SOD2: variants seen among roughly 807,000 people sequenced by gnomAD.
SOD2 encodes superoxide dismutase 2, also known as superoxide dismutase [Mn], mitochondrial.
SOD2 carries 11 observed loss-of-function variants against 27.0 expected under a neutral mutation model. The observed-to-expected ratio is 0.41, with a 90% confidence interval of 0.26 to 0.67. The LOEUF (loss-of-function observed/expected upper bound fraction) is 0.67, where lower values mean the gene tolerates loss of function less well. Ranked by LOEUF, SOD2 falls within the 30% of genes least tolerant of loss-of-function variation. SOD2 has a pLI of 0.34. For synonymous variants in SOD2, 105 were observed against 103.0 expected (o/e 1.02, Z -0.12); for missense variants, 250 against 274.5 (o/e 0.91, Z 0.63).
At chr6:159,757,570 G>C (rs1780042096) in intron 1 of SOD2, among the ~76,000 whole-genome samples, 2 of 151,936 alleles carry the variant, frequency 1.3e-5, no homozygotes, top group African/African-American at 2.4e-5. Flanking sequence ...GCGCCACCAT[G>C]CCCGGCTTAT....
At chr6:159,748,187 A>G (rs755448327), upstream of SOD2, 4 of 1,613,710 alleles carry the variant, frequency 2.5e-6, no homozygotes, top group East Asian at 6.7e-5. The surrounding 1 kb of genome is among the most constrained non-coding windows in gnomAD (Gnocchi z 5.6). Context: ...TTTGCTTTGC[A>G]CAGACTCAAA....
At chr6:159,712,223 A>G (rs539916680) in intron 1 of SOD2, among the ~76,000 whole-genome samples, 133 of 127,356 alleles carry the variant, frequency 1.0e-3, no homozygotes, top group Non-Finnish European at 1.9e-3. Flanking sequence ...CACCTCCATA[A>G]CCACCACTCA....
intron 1 of SOD2, among the ~76,000 whole-genome samples, chr6:159,754,144 A>G (rs1487586853): frequency 6.6e-6 from 1 of 152,194 alleles, no homozygotes; most frequent in African/African-American, 2.4e-5. Context: ...TGTAAGGTGC[A>G]TTATTAATAA....
intron 1 of SOD2, among the ~76,000 whole-genome samples, chr6:159,732,397 A>ATC (rs1778627494): frequency 1.3e-5 from 2 of 152,204 alleles, no homozygotes; most frequent in Non-Finnish European, 2.9e-5. Flanking sequence ...TCATTCACAG[A>ATC]TCTCTACCAC....
chr6:159,693,268 T>C, upstream of SOD2: 1 of 1,153,494 alleles, frequency 8.7e-7, no homozygotes, highest in Non-Finnish European at 1.2e-6. Flanking sequence ...CCGCGGGCCT[T>C]AAGAAAGCGC....
intron 1 of SOD2, among the ~76,000 whole-genome samples, chr6:159,735,082 A>G (rs1220627708): frequency 6.6e-6 from 1 of 152,228 alleles, no homozygotes; most frequent in Non-Finnish European, 1.5e-5. Flanking sequence ...AATATTTGGC[A>G]TAAAATTAAA....
chr6:159,708,337 T>C (rs892592964), intron 1 of SOD2, among the ~76,000 whole-genome samples: 6 of 152,236 alleles, frequency 3.9e-5, no homozygotes, highest in African/African-American at 1.4e-4. Context: ...TTGTCCCTGT[T>C]TGCAGATGAC....
chr6:159,685,219 C>CTTT (rs750824041), intron 3 of SOD2, among the ~76,000 whole-genome samples, 186 bp from the exon 4 acceptor site: 1,919 of 73,394 alleles, frequency 0.026, 48 homozygotes, highest in Non-Finnish European at 0.033. Context: ...ATAACTTCAA[C>CTTT]TTTTTTTTTT....
At chr6:159,711,521 C>T (rs1777764483) in intron 1 of SOD2, among the ~76,000 whole-genome samples, 8 of 120,608 alleles carry the variant, frequency 6.6e-5, no homozygotes, top group Non-Finnish European at 9.2e-5. Context: ...ATAACCACCT[C>T]CATAACCACC....
Position 159,715,099 on chromosome 6 carries a change from C to A in SOD2, c.-116+12030G>T, listed in dbSNP as rs191155268. On this transcript the variant is annotated intron_variant, in intron 1 of 2. Transcript: ENST00000401980. ...GAAAAGTATGTCTAGTCCATTTTCC[C>A]AGGAGTGGAAATTTCCCAGACTTGT... 2.0e-3 allele frequency among the ~76,000 whole-genome samples: 308 copies of A among 151,924 alleles called. 4 individuals carry two copies. The highest frequency in any genetic ancestry group is 0.017 in the Admixed American group (257 of 15,236).
At chr6:159,722,635 G>A (rs931647716) in intron 1 of SOD2, among the ~76,000 whole-genome samples, 2 of 152,106 alleles carry the variant, frequency 1.3e-5, no homozygotes, top group African/African-American at 4.8e-5. Flanking sequence ...CCTTCAAGCT[G>A]GCTCCCATGT....
In SOD2 at chr6:159,726,679, G is replaced by C. The variant is rs1435448692; in HGVS notation, c.-116+450C>G. Reference sequence around the variant, plus strand: ...ACAGGGCCGCCTTCCCCGTGTTCCAGTTAGCAAGGGGCCCTCAACGCCGCG... The same window carrying C: ...ACAGGGCCGCCTTCCCCGTGTTCCACTTAGCAAGGGGCCCTCAACGCCGCG... On this transcript the variant is annotated intron_variant, in intron 1 of 2. Transcript: ENST00000401980. 6.3e-6 allele frequency: 6 copies of C among 952,160 alleles called. No homozygotes were observed. In the African/African-American group the frequency reaches 6.9e-5, roughly 11 times the overall value. The allele number at this position is 952,160 out of a possible 1,614,324, so 59.0% of individuals were successfully genotyped here.
chr6:159,691,058 A>C (rs974293664), intron 2 of SOD2: 7 of 152,222 alleles, frequency 4.6e-5, no homozygotes, highest in Admixed American at 4.6e-4. Context: ...AAAGCTCTGC[A>C]GGTACTCAAT....
intron 1 of SOD2, among the ~76,000 whole-genome samples, chr6:159,704,711 T>C (rs866022577): frequency 1.4e-4 from 22 of 152,214 alleles, no homozygotes; most frequent in African/African-American, 5.1e-4. Flanking sequence ...AGGGCATAGC[T>C]GAACAAAAGG....
At chr6:159,761,901 T>C (rs920245708) in exon 1 of SOD2, 1 of 434,108 alleles carries the variant, frequency 2.3e-6, no homozygotes, top group Non-Finnish European at 3.7e-6. Flanking sequence ...CCCGCGCGCC[T>C]CCGCCCGCCC....
At chr6:159,704,380 G>A (rs1279657422) in intron 1 of SOD2, among the ~76,000 whole-genome samples, 1 of 152,212 alleles carries the variant, frequency 6.6e-6, no homozygotes, top group Non-Finnish European at 1.5e-5. Flanking sequence ...TCATAGCCAA[G>A]CAAAGCTGTG....
intron 1 of SOD2, chr6:159,753,325 A>C (rs748779240): frequency 8.0e-6 from 10 of 1,247,060 alleles, no homozygotes; most frequent in Non-Finnish European, 1.1e-5. Context: ...CCCAGAAAAG[A>C]AGATGGTAAT....
At chr6:159,735,477 G>C (rs1221930590) in intron 1 of SOD2, among the ~76,000 whole-genome samples, 1 of 152,190 alleles carries the variant, frequency 6.6e-6, no homozygotes, top group East Asian at 1.9e-4. Flanking sequence ...TAGGATGGGC[G>C]TGGTGGTTCA....
intron 1 of SOD2, among the ~76,000 whole-genome samples, chr6:159,740,479 A>G (rs1405504146): frequency 1.3e-5 from 2 of 152,112 alleles, no homozygotes; most frequent in African/African-American, 4.8e-5. Context: ...CTTGTGATAT[A>G]CATGTTCTTG....
Sources: gnomAD v4.1 joint callset for allele counts (sites outside exome capture counted in the v4.1 genomes callset) on GRCh38, gnomAD v4.1.1 for gene constraint, Gnocchi (gnomAD v3.1) non-coding constraint, MANE v1.5 for transcripts, NCBI Gene and HGNC (gene_info 2026-07-23, HGNC 2026-07-21) for gene names.